Variants in ADAMTS16 observed in about 807,000 individuals in gnomAD.
The protein encoded by ADAMTS16 is A disintegrin and metalloproteinase with thrombospondin motifs 16.
In ADAMTS16, 94 loss-of-function variants were observed where a neutral mutation model predicts 145.8. The observed-to-expected ratio is 0.64, with a 90% CI of 0.55 to 0.77. The LOEUF (loss-of-function observed/expected upper bound fraction) is 0.77, where lower values mean the gene tolerates loss of function less well. Ranked by LOEUF, ADAMTS16 falls within the 30% of genes least tolerant of loss-of-function variation. ADAMTS16 has a pLI of 0.00. For missense variants in ADAMTS16, 1,585 were observed against 1,591.5 expected, an observed-to-expected ratio of 1.00 and a Z score of 0.07; for synonymous variants, 659 against 604.3, an observed-to-expected ratio of 1.09 and a Z score of -1.33.
intron 20 of ADAMTS16, among the ~76,000 whole-genome samples, chr5:5,306,194 G>T (rs1201483703): frequency 6.6e-6 from 1 of 152,162 alleles, no homozygotes; most frequent in Admixed American, 6.5e-5. Flanking sequence ...GTTTCAGTAT[G>T]CTTCGATATC....
intron 6 of ADAMTS16, 27 bp downstream of exon 6, chr5:5,187,835 C>G (rs769106091): frequency 3.5e-5 from 48 of 1,388,774 alleles, no homozygotes; most frequent in Non-Finnish European, 4.6e-5. Flanking sequence ...ACTATCTACT[C>G]TTTTTATTCC....
rs1274850948 is a variant in ADAMTS16, at chr5:5,239,290, C to T, written c.2278+16C>T. ...CACACCAACCGTGAGTACTTTAGAG[C>T]TGCCTGCAAGCCTTGGGCAAAGAAG... On this transcript the variant is annotated intron_variant, in intron 15 of 22. Coordinates refer to ENST00000274181, the MANE Select transcript of ADAMTS16 (RefSeq NM_139056.4). 2 of 1,530,622 alleles carry T rather than the reference C, an allele frequency of 1.3e-6. No individual in the cohort carries two copies. Among genetic ancestry groups the T allele is most frequent in the Non-Finnish European group, 1.7e-6 (2 of 1,143,050 alleles). The allele number at this position is 1,530,622 out of a possible 1,614,324, so 94.8% of individuals were successfully genotyped here. A position where few individuals can be genotyped will look rare whatever the true frequency, so the allele number is the denominator to read the frequency against.
chr5:5,303,691 G>A lies in ADAMTS16; in HGVS notation c.3111G>A (p.Arg1037=). 2 of 1,613,802 alleles carry A rather than the reference G, an allele frequency of 1.2e-6. No homozygotes were observed. The highest frequency in any genetic ancestry group is 1.7e-6 in the Non-Finnish European group (2 of 1,180,042). The change falls in exon 20 of 23, where the codon AGG becomes AGA. Residue 1037 remains arginine (R), a synonymous_variant. Coordinates refer to ENST00000274181, the MANE Select transcript of ADAMTS16 (RefSeq NM_139056.4). The stretch of plus-strand genomic sequence containing the variant: ...TCTGCACCTCCGAGCCCAAGCCCAG[G>A]ATGCATGAAGCCTGTCTGCTTCAGC... The part of the protein sequence containing the change: ...DAVCTSEPKP[R]MHEACLLQRC...
chr5:5,279,528 T>G (rs1226980458), intron 18 of ADAMTS16, among the ~76,000 whole-genome samples: 2 of 152,174 alleles, frequency 1.3e-5, no homozygotes, highest in Admixed American at 1.3e-4. Flanking sequence ...TCCACAGTGG[T>G]TCTTTTCAAT....
intron 21 of ADAMTS16, 41 bp downstream of exon 21, chr5:5,306,769 G>A (rs1228764639): frequency 4.6e-6 from 7 of 1,533,162 alleles, no homozygotes; most frequent in Non-Finnish European, 6.2e-6. Context: ...GGCGAGCACA[G>A]CTTGGCCTGG....
intron 17 of ADAMTS16, among the ~76,000 whole-genome samples, chr5:5,248,137 C>G (rs755740441): frequency 1.3e-5 from 2 of 152,196 alleles, no homozygotes; most frequent in Non-Finnish European, 2.9e-5. Flanking sequence ...ATTTTGCTTA[C>G]AGAATTCGTT....
intron 3 of ADAMTS16, among the ~76,000 whole-genome samples, chr5:5,171,414 T>C (rs1447713240): frequency 6.6e-6 from 1 of 152,208 alleles, no homozygotes; most frequent in African/African-American, 2.4e-5. Flanking sequence ...GGGTCTGCTG[T>C]ATATGGCTTT....
intron 17 of ADAMTS16, among the ~76,000 whole-genome samples, chr5:5,259,706 T>C (rs1482706359): frequency 6.6e-6 from 1 of 152,252 alleles, no homozygotes; most frequent in Non-Finnish European, 1.5e-5. Context: ...GTACACAAGA[T>C]AAGGTGAACA....
chr5:5,196,434 G>C (rs985157636), intron 8 of ADAMTS16, among the ~76,000 whole-genome samples: 1 of 152,052 alleles, frequency 6.6e-6, no homozygotes, highest in Non-Finnish European at 1.5e-5. Context: ...GGAGGCATGT[G>C]GTGATTTTTA....
In ADAMTS16 at chr5:5,200,158, G is replaced by C. The variant is rs1331990393; in HGVS notation, c.1340G>C (p.Gly447Ala). ...TTTGGCATGATTCATGATGGAGAAG[G>C]GAACATGTGCAAAAAGTCCGAGGGC... ...HNFGMIHDGE[G>A]NMCKKSEGNI... is the part of the protein sequence containing the mutation. The change falls in exon 9 of 23, where the codon GGG becomes GCG. Residue 447 changes from glycine (G) to alanine (A), a missense_variant. Gly to Ala is a moderately conservative substitution (Grantham distance 60, BLOSUM62 0). Around this residue, in one of 3 missense-constraint regions of ADAMTS16, gnomAD observed 298 missense variants for 367.6 expected, o/e 0.81. Transcript: ENST00000274181. 6 of 1,612,778 alleles carry C rather than the reference G, an allele frequency of 3.7e-6. No homozygotes were observed. Among genetic ancestry groups the C allele is most frequent in the African/African-American group, 1.3e-5 (1 of 74,804 alleles).
chr5:5,245,985 A>G (rs1737428321), intron 17 of ADAMTS16, among the ~76,000 whole-genome samples: 1 of 152,224 alleles, frequency 6.6e-6, no homozygotes, highest in Non-Finnish European at 1.5e-5. Context: ...AAATAGGGAA[A>G]CAGCATGCCA....
chr5:5,281,788 C>A (rs10474785), intron 18 of ADAMTS16, among the ~76,000 whole-genome samples: 152,331 of 152,374 alleles, frequency 1, 76,144 homozygotes, highest in Non-Finnish European at 1. Flanking sequence ...ATGTAAATGA[C>A]TCCATATGAA....
At chr5:5,223,319 A>G (rs1003934735) in intron 11 of ADAMTS16, 6 of 160,470 alleles carry the variant, frequency 3.7e-5, no homozygotes, top group Non-Finnish European at 8.2e-5. Flanking sequence ...AAGAAGAAGT[A>G]TACAAGATGT....
intron 5 of ADAMTS16, 36 bp downstream of exon 5, chr5:5,186,287 A>G (rs759937740): frequency 1.9e-6 from 3 of 1,558,024 alleles, no homozygotes; most frequent in East Asian, 2.3e-5. Flanking sequence ...CACCTGTGTC[A>G]TTGCACTTCG....
chr5:5,274,442 A>G (rs1738605412), intron 18 of ADAMTS16, among the ~76,000 whole-genome samples: 1 of 152,152 alleles, frequency 6.6e-6, no homozygotes, highest in Non-Finnish European at 1.5e-5. Flanking sequence ...AATGTCATAT[A>G]GTTGGAATCA....
chr5:5,144,565 A>C (rs1017651658), intron 2 of ADAMTS16, among the ~76,000 whole-genome samples: 3 of 152,210 alleles, frequency 2.0e-5, no homozygotes, highest in Non-Finnish European at 2.9e-5. Context: ...AAACTTTTTA[A>C]AATTCGTCTG....
At chr5:5,209,899 T>C (rs1430022607) in intron 10 of ADAMTS16, among the ~76,000 whole-genome samples, 1 of 152,162 alleles carries the variant, frequency 6.6e-6, no homozygotes, top group Admixed American at 6.5e-5. Context: ...TTTATTCTAG[T>C]TTATAATAAA....
At position 5,146,467 on chromosome 5, in the gene ADAMTS16, G is replaced by T. The variant is rs752577054; in HGVS notation, c.501+12G>T. On this transcript the variant is annotated intron_variant, in intron 3 of 22. Coordinates refer to ENST00000274181, the MANE Select transcript of ADAMTS16 (RefSeq NM_139056.4). ...CCTGCCAAGGCTTGGTGAGTACAGC[G>T]CAAGCCCCAGGTAGGGAGGCGAGGT... The T allele has an allele frequency of 7.6e-6, 12 of 1,585,150 alleles. No individual in the cohort carries two copies. In the South Asian group the frequency reaches 7.8e-5, roughly 10 times the overall value.
In ADAMTS16 at chr5:5,242,035, C is replaced by T; in HGVS notation, c.2524-18C>T. 3 of 1,611,890 alleles carry T rather than the reference C, an allele frequency of 1.9e-6. No individual in the cohort carries two copies. Among genetic ancestry groups the T allele is most frequent in the Non-Finnish European group, 2.5e-6 (3 of 1,178,974 alleles). ...TTGCATTAATTTGTTTTATTTTTTC[C>T]CCTTTCTTATTTTGTAGCTGCTGTT... On this transcript the variant is annotated intron_variant, in intron 16 of 22. Transcript: ENST00000274181.
Sources: allele counts gnomAD v4.1 joint callset (sites outside exome capture counted in the v4.1 genomes callset), GRCh38; gene constraint gnomAD v4.1.1; regional missense constraint gnomAD v4.1.1; transcripts MANE v1.5; gene names NCBI Gene and HGNC (gene_info 2026-07-23, HGNC 2026-07-21).